CALB1: variants seen among roughly 807,000 people sequenced by gnomAD.
CALB1 encodes calbindin 1.
Under a neutral mutation model 46.7 loss-of-function variants are expected in CALB1, and 16 were observed. That is an observed-to-expected ratio of 0.34 (90% CI 0.23 to 0.52). The LOEUF (loss-of-function observed/expected upper bound fraction) is 0.52. Among genes scored for constraint, CALB1 ranks in the 20% least tolerant of loss-of-function variants. The pLI, the probability that CALB1 is intolerant of heterozygous loss-of-function variation, is 0.95. For missense variants in CALB1, 224 were observed against 300.3 expected (o/e 0.75, Z 1.88); for synonymous variants, 90 against 112.8 (o/e 0.80, Z 1.28).
At position 90,077,729 on chromosome 8, in the gene CALB1, G is replaced by A. The variant is rs999497060; in HGVS notation, c.231+644C>T. The stretch of plus-strand genomic sequence containing the variant: ...GACAAAAATAAGTTGCCCTTAATAG[G>A]AAAAGTCACTGTGAAAGGATAAGAT... On this transcript the variant is annotated intron_variant, in intron 3 of 10. Transcript: ENST00000265431. Among the ~76,000 whole-genome samples the A allele has an allele frequency of 4.0e-4, 61 of 151,948 alleles. 1 individual carries two copies. The highest frequency in any genetic ancestry group is 1.5e-5 in the Non-Finnish European group (1 of 67,902).
Position 90,082,816 on chromosome 8 carries a change from C to G in CALB1, c.-119G>C. 1 of 823,958 alleles carries G rather than the reference C, an allele frequency of 1.2e-6. No individual in the cohort carries two copies. The allele number at this position is 823,958 out of a possible 1,614,324, so 51.0% of individuals were successfully genotyped here. On this transcript the variant is annotated 5_prime_UTR_variant, in exon 1 of 11. Coordinates refer to ENST00000265431, the MANE Select transcript of CALB1 (RefSeq NM_004929.4). Reference sequence around the variant, plus strand: ...AGGGCTGCGGAGGGAGACCTGGGCGCGGGCGCTGCCGGGCGCTGTCCTCGG... The same window carrying G: ...AGGGCTGCGGAGGGAGACCTGGGCGGGGGCGCTGCCGGGCGCTGTCCTCGG...
chr8:90,082,844 C>A lies in CALB1; in HGVS notation c.-147G>T. 1 of 713,534 alleles carries A rather than the reference C, an allele frequency of 1.4e-6. No individual in the cohort carries two copies. Among genetic ancestry groups the A allele is most frequent in the Non-Finnish European group, 2.5e-6 (1 of 392,622 alleles). 44.2% of individuals were successfully genotyped at this position (713,534 alleles called of 1,614,324 possible). ...GCGCTGCCGGGCGCTGTCCTCGGTG[C>A]TGCTCAGCTCAGCGTTCCTCCAGAG... On this transcript the variant is annotated 5_prime_UTR_variant, in exon 1 of 11. Transcript: ENST00000265431.
chr8:90,081,816 C>T (rs1407333860), intron 2 of CALB1, among the ~76,000 whole-genome samples: 1 of 151,774 alleles, frequency 6.6e-6, no homozygotes. Context: ...CTCTCTCTCT[C>T]TCTCTCCCCC....
intron 9 of CALB1, 39 bp from the exon 10 acceptor site, chr8:90,060,739 A>G: frequency 7.1e-7 from 1 of 1,402,392 alleles, no homozygotes; most frequent in Non-Finnish European, 1.0e-6. Flanking sequence ...AACCAACTCC[A>G]TCTACAGTAG....
chr8:90,077,195 A>G (rs1814637324), intron 3 of CALB1, among the ~76,000 whole-genome samples: 1 of 152,010 alleles, frequency 6.6e-6, no homozygotes, highest in African/African-American at 2.4e-5. Flanking sequence ...TGTAAGTCCC[A>G]TTACTATTAT....
At chr8:90,075,912 A>G (rs1814615608) in intron 3 of CALB1, among the ~76,000 whole-genome samples, 1 of 152,078 alleles carries the variant, frequency 6.6e-6, no homozygotes, top group African/African-American at 2.4e-5. Flanking sequence ...AATCGGAATG[A>G]GATCTAAGTC....
intron 3 of CALB1, among the ~76,000 whole-genome samples, chr8:90,074,831 GATC>G (rs887208842): frequency 5.1e-4 from 77 of 152,272 alleles, no homozygotes; most frequent in African/African-American, 1.8e-3. Flanking sequence ...TTGCCAAAAG[GATC>G]AGGTGAAAAA....
At chr8:90,062,980 G>A (rs1251769190) in intron 9 of CALB1, 120 bp downstream of exon 9, 2 of 635,860 alleles carry the variant, frequency 3.1e-6, no homozygotes, top group Admixed American at 6.0e-5. Context: ...CTAAAGATCT[G>A]CTGTCAAGAT....
At chr8:90,065,368 C>T (rs910198174) in intron 6 of CALB1, among the ~76,000 whole-genome samples, 6 of 151,466 alleles carry the variant, frequency 4.0e-5, no homozygotes, top group African/African-American at 1.5e-4. Flanking sequence ...TTTCCTCATT[C>T]AAAGCACCAA....
At chr8:90,067,601 A>C (rs1205607549) in intron 5 of CALB1, among the ~76,000 whole-genome samples, 2 of 152,182 alleles carry the variant, frequency 1.3e-5, no homozygotes, top group Non-Finnish European at 2.9e-5. Context: ...AGTATGTTTT[A>C]GCCATTTTGC....
At chr8:90,078,840 A>G (rs1459767038) in intron 2 of CALB1, among the ~76,000 whole-genome samples, 1 of 152,032 alleles carries the variant, frequency 6.6e-6, no homozygotes, top group Non-Finnish European at 1.5e-5. Context: ...CTTGTCTTAC[A>G]ACATTTTTCT....
At chr8:90,060,792 G>T in intron 9 of CALB1, 92 bp from the exon 10 acceptor site, 3 of 1,049,968 alleles carry the variant, frequency 2.9e-6, no homozygotes, top group Non-Finnish European at 2.9e-6. Flanking sequence ...TCCTTAGAAA[G>T]TCTCCCAACT....
chr8:90,069,033 C>A lies in CALB1; in HGVS notation c.337G>T (p.Asp113Tyr). 2 of 1,613,300 alleles carry A rather than the reference C, an allele frequency of 1.2e-6. No homozygotes were observed. Among genetic ancestry groups the A allele is most frequent in the South Asian group, 2.2e-5 (2 of 90,910 alleles). Reference sequence around the variant, plus strand: ...TCAGTTTCTATGAAGCCACTGTGGTCAGTATCATATTTTCTCCATGTCTGT... The same window carrying A: ...TCAGTTTCTATGAAGCCACTGTGGTAAGTATCATATTTTCTCCATGTCTGT... ...FMKTWRKYDT[D>Y]HSGFIETEEL... is the part of the protein sequence containing the mutation. Residue 113 changes from aspartate to tyrosine, a missense_variant, in exon 5 of 11, where the codon GAC (aspartate) becomes TAC (tyrosine). By Grantham distance (160) the Asp-to-Tyr change is radical. Coordinates refer to ENST00000265431, the MANE Select transcript of CALB1 (RefSeq NM_004929.4).
Position 90,082,856 on chromosome 8 carries a change from G to GC in CALB1, c.-160dup. 1.5e-6 allele frequency: 1 copy of GC among 674,696 alleles called. No individual in the cohort carries two copies. The highest frequency in any genetic ancestry group is 2.7e-5 in the East Asian group (1 of 37,546). The allele number at this position is 674,696 out of a possible 1,614,324, so 41.8% of individuals were successfully genotyped here. A position where few individuals can be genotyped will look rare whatever the true frequency, so the allele number is the denominator to read the frequency against. On this transcript the variant is annotated 5_prime_UTR_variant, in exon 1 of 11. Coordinates refer to ENST00000265431, the MANE Select transcript of CALB1 (RefSeq NM_004929.4). Reference sequence around the variant, plus strand: ...GCTGTCCTCGGTGCTGCTCAGCTCAGCGTTCCTCCAGAGTTCTCTCCCTAC... The same window carrying GC: ...GCTGTCCTCGGTGCTGCTCAGCTCAGCCGTTCCTCCAGAGTTCTCTCCCTAC...
intron 2 of CALB1, among the ~76,000 whole-genome samples, chr8:90,080,236 G>A (rs989426283): frequency 3.3e-5 from 5 of 151,608 alleles, no homozygotes; most frequent in Non-Finnish European, 7.4e-5. Context: ...CCAAAACAGA[G>A]AAAAATAATT....
intron 2 of CALB1, among the ~76,000 whole-genome samples, chr8:90,079,384 A>G (rs1478459404): frequency 6.6e-6 from 1 of 152,046 alleles, no homozygotes; most frequent in Non-Finnish European, 1.5e-5. Context: ...AATAATAACA[A>G]AGCAATATAA....
Position 90,060,079 on chromosome 8 carries a change from A to G in CALB1, c.*94T>C, listed in dbSNP as rs1814266074. On this transcript the variant is annotated 3_prime_UTR_variant, in exon 11 of 11. Coordinates refer to ENST00000265431, the MANE Select transcript of CALB1 (RefSeq NM_004929.4). ...TAATTATCTATATGCAGTTAAATTT[A>G]CAGATATAAAAGAAAATACAGCCTA... 4.0e-6 allele frequency: 3 copies of G among 750,188 alleles called. No individual in the cohort carries two copies. In the Admixed American group the frequency reaches 5.8e-5, roughly 15 times the overall value. 46.5% of individuals were successfully genotyped at this position (750,188 alleles called of 1,614,324 possible).
Position 90,082,808 on chromosome 8 carries a change from C to A in CALB1, c.-111G>T. ...CGCGAGTCAGGGCTGCGGAGGGAGA[C>A]CTGGGCGCGGGCGCTGCCGGGCGCT... On this transcript the variant is annotated 5_prime_UTR_variant, in exon 1 of 11. Transcript: ENST00000265431. The A allele has an allele frequency of 9.3e-7, 1 of 1,073,496 alleles. No homozygotes were observed. The allele number at this position is 1,073,496 out of a possible 1,614,324, so 66.5% of individuals were successfully genotyped here.
intron 5 of CALB1, among the ~76,000 whole-genome samples, chr8:90,067,045 G>A (rs1312353494): frequency 5.9e-5 from 9 of 152,006 alleles, no homozygotes; most frequent in Admixed American, 5.9e-4. Flanking sequence ...CAAATCCAAA[G>A]TGAAGCATGG....
Sources: gnomAD v4.1 joint callset for allele counts (sites outside exome capture counted in the v4.1 genomes callset) on GRCh38, gnomAD v4.1.1 for gene constraint, MANE v1.5 for transcripts, NCBI Gene and HGNC (gene_info 2026-07-23, HGNC 2026-07-21) for gene names.